GRIN2A: variants seen among roughly 807,000 people sequenced by gnomAD.
GRIN2A encodes the protein glutamate receptor ionotropic, NMDA 2A.
GRIN2A carries 22 observed loss-of-function variants against 113.4 expected under a neutral mutation model. The ratio of observed to expected loss-of-function variants is 0.19; its 90% CI spans 0.14 to 0.28. GRIN2A has a LOEUF of 0.28. GRIN2A is among the 10% of genes least tolerant of loss of function. The pLI, the probability that GRIN2A is intolerant of heterozygous loss-of-function variation, is 1.00. For missense variants in GRIN2A, 1,502 were observed against 1,887.0 expected (o/e 0.80, Z 3.78); for synonymous variants, 827 against 738.4 (o/e 1.12, Z -1.94).
chr16:10,103,514 G>A (rs567571588), intron 2 of GRIN2A, among the ~76,000 whole-genome samples: 2 of 152,312 alleles, frequency 1.3e-5, no homozygotes, highest in African/African-American at 2.4e-5. Flanking sequence ...TCATCTTCTT[G>A]AAGTTTTATG....
rs13330899 is a variant in GRIN2A, at chr16:9,757,551, C to T, written c.*5598G>A. On this transcript the variant is annotated 3_prime_UTR_variant, in exon 13 of 13. Coordinates refer to ENST00000330684, the MANE Select transcript of GRIN2A (RefSeq NM_001134407.3). ...TACTTATGGGAAGAGACTATATTTTCTATTTATTTTGCATCCCCTCCCCCA... is the reference window on the plus strand; with the variant it reads ...TACTTATGGGAAGAGACTATATTTTTTATTTATTTTGCATCCCCTCCCCCA... 489 of 227,262 alleles carry T rather than the reference C, an allele frequency of 2.2e-3. 2 individuals carry two copies. Among genetic ancestry groups the T allele is most frequent in the African/African-American group, 0.01 (453 of 45,076 alleles). The allele number at this position is 227,262 out of a possible 1,614,324, so 14.1% of individuals were successfully genotyped here.
chr16:9,818,850 T>C (rs1398095273), intron 10 of GRIN2A, among the ~76,000 whole-genome samples: 2 of 152,226 alleles, frequency 1.3e-5, no homozygotes, highest in African/African-American at 4.8e-5. Context: ...TCTGTTAAAA[T>C]TGCAACTGTG....
At chr16:10,111,008 A>G (rs2048602788) in intron 2 of GRIN2A, among the ~76,000 whole-genome samples, 1 of 152,240 alleles carries the variant, frequency 6.6e-6, no homozygotes, top group Non-Finnish European at 1.5e-5. Flanking sequence ...ATCAAGAAAA[A>G]GCTAGTATAT....
intron 2 of GRIN2A, among the ~76,000 whole-genome samples, chr16:10,053,502 C>T (rs899009728): frequency 2.0e-5 from 3 of 152,152 alleles, no homozygotes; most frequent in Non-Finnish European, 2.9e-5. Flanking sequence ...CACTACACAC[C>T]GTCTCTCTTA....
intron 3 of GRIN2A, among the ~76,000 whole-genome samples, chr16:9,905,138 T>C (rs1270788891): frequency 1.3e-5 from 2 of 152,218 alleles, no homozygotes; most frequent in African/African-American, 4.8e-5. Context: ...TAGCAAAGTA[T>C]AGGAATTAAA....
At chr16:10,078,847 A>ACGC (rs2047927236) in intron 2 of GRIN2A, among the ~76,000 whole-genome samples, 2 of 152,210 alleles carry the variant, frequency 1.3e-5, no homozygotes, top group Non-Finnish European at 2.9e-5. Context: ...GAAAGGGAGC[A>ACGC]TGCTGACTGA....
chr16:9,928,933 G>T (rs529216760), intron 3 of GRIN2A, among the ~76,000 whole-genome samples: 1 of 152,268 alleles, frequency 6.6e-6, no homozygotes, highest in Non-Finnish European at 1.5e-5. Context: ...ACACATTTTT[G>T]GAAGGCCTAC....
intron 10 of GRIN2A, among the ~76,000 whole-genome samples, chr16:9,815,265 T>A (rs1217123782): frequency 6.6e-6 from 1 of 151,996 alleles, no homozygotes; most frequent in Non-Finnish European, 1.5e-5. Context: ...AAATTTTTTT[T>A]TAAATGTGCA....
At chr16:9,851,517 A>G (rs1214251522) in intron 4 of GRIN2A, among the ~76,000 whole-genome samples, 1 of 152,258 alleles carries the variant, frequency 6.6e-6, no homozygotes, top group Non-Finnish European at 1.5e-5. Flanking sequence ...CAGTTGTACG[A>G]CATAGATCAA....
At chr16:10,065,330 C>T (rs142892759) in intron 2 of GRIN2A, among the ~76,000 whole-genome samples, 1 of 152,300 alleles carries the variant, frequency 6.6e-6, no homozygotes, top group East Asian at 1.9e-4. Context: ...ACCTGCAACC[C>T]AGAGCATCTA....
intron 2 of GRIN2A, among the ~76,000 whole-genome samples, chr16:10,052,918 C>A (rs917384066): frequency 1.3e-5 from 2 of 152,032 alleles, no homozygotes; most frequent in African/African-American, 4.8e-5. Context: ...CACAGTGGCA[C>A]ACTCCTGTAG....
chr16:9,941,676 A>T (rs867394656), intron 2 of GRIN2A, among the ~76,000 whole-genome samples: 8 of 151,052 alleles, frequency 5.3e-5, no homozygotes, highest in Non-Finnish European at 1.0e-4. Flanking sequence ...GATGGGGGGG[A>T]AAAAAAACAC....
At chr16:9,792,073 G>C (rs1490134986) in intron 11 of GRIN2A, among the ~76,000 whole-genome samples, 2 of 146,054 alleles carry the variant, frequency 1.4e-5, no homozygotes, top group Non-Finnish European at 3.0e-5. Context: ...ACCTGATGAA[G>C]TAAAATTGTG....
chr16:9,847,677 T>C (rs1309151999), intron 5 of GRIN2A, among the ~76,000 whole-genome samples: 2 of 134,428 alleles, frequency 1.5e-5, no homozygotes, highest in Non-Finnish European at 3.1e-5. Context: ...CACATAAAAA[T>C]ATATGTTTTA....
chr16:9,952,227 G>A (rs551171975), intron 2 of GRIN2A, among the ~76,000 whole-genome samples: 29 of 152,192 alleles, frequency 1.9e-4, no homozygotes, highest in African/African-American at 7.0e-4. Flanking sequence ...AAAGCTCAGG[G>A]CACCAAGGGA....
In GRIN2A at chr16:10,151,481, A is replaced by T. The variant is rs910964797; in HGVS notation, c.414+28517T>A. 8.5e-5 allele frequency among the ~76,000 whole-genome samples: 13 copies of T among 152,310 alleles called. No individual in the cohort carries two copies. In the South Asian group the frequency reaches 1.4e-3, roughly 17 times the overall value. On this transcript the variant is annotated intron_variant, in intron 2 of 12. Coordinates refer to ENST00000330684, the MANE Select transcript of GRIN2A (RefSeq NM_001134407.3). ...TCAAATGTTCCTTCAAGGTGCAAAC[A>T]TATTACCCTAAAACTCCATGGTTCC...
chr16:10,113,888 G>A (rs2048675010), intron 2 of GRIN2A, among the ~76,000 whole-genome samples: 2 of 152,104 alleles, frequency 1.3e-5, no homozygotes, highest in Admixed American at 6.5e-5. Context: ...TTGAGGAGTA[G>A]AGTCTTGAAG....
At chr16:10,129,144 G>A (rs922103995) in intron 2 of GRIN2A, among the ~76,000 whole-genome samples, 3 of 151,808 alleles carry the variant, frequency 2.0e-5, no homozygotes, top group African/African-American at 7.3e-5. Context: ...GGCACGATCA[G>A]AGCTCACTGC....
rs559822362 is a variant in GRIN2A, at chr16:9,928,145, C to A, written c.1007+9814G>T. On this transcript the variant is annotated intron_variant, in intron 3 of 12. Transcript: ENST00000330684. Reference sequence around the variant, plus strand: ...CTAAGATTCATGCCAGGATTTGAGGCACCAGGAACCTGGACGGGGGCTCAT... The same window carrying A: ...CTAAGATTCATGCCAGGATTTGAGGAACCAGGAACCTGGACGGGGGCTCAT... Among the ~76,000 whole-genome samples the A allele has an allele frequency of 2.6e-5, 4 of 152,216 alleles. No individual in the cohort carries two copies. In the South Asian group the frequency reaches 8.3e-4, roughly 32 times the overall value.
Sources: gnomAD v4.1 joint callset for allele counts (sites outside exome capture counted in the v4.1 genomes callset) on GRCh38, gnomAD v4.1.1 for gene constraint, MANE v1.5 for transcripts, NCBI Gene and HGNC (gene_info 2026-07-23, HGNC 2026-07-21) for gene names.